The following KCNK10 variants were observed in gnomAD, a reference collection of about 807,000 sequenced individuals.
The protein encoded by KCNK10 is potassium two pore domain channel subfamily K member 10.
In KCNK10, 25 loss-of-function variants were observed where a neutral mutation model predicts 47.7. The ratio of observed to expected loss-of-function variants is 0.52; its 90% confidence interval spans 0.38 to 0.73. The LOEUF (loss-of-function observed/expected upper bound fraction) is 0.73, where lower values mean the gene tolerates loss of function less well. Ranked by LOEUF, KCNK10 falls within the 30% of genes least tolerant of loss-of-function variation. The probability of loss-of-function intolerance (pLI) is 0.00; values close to 1 mark genes in which losing one functional copy is unlikely to be tolerated. For synonymous variants in KCNK10, 303 were observed against 285.6 expected (o/e 1.06, Z -0.61); for missense variants, 563 against 714.5 (o/e 0.79, Z 2.42).
At chr14:88,213,971 C>T (rs1885539483) in intron 4 of KCNK10, among the ~76,000 whole-genome samples, 1 of 120,826 alleles carries the variant, frequency 8.3e-6, no homozygotes, top group African/African-American at 3.1e-5. Flanking sequence ...CAGAGTTTCA[C>T]TCGTGTTGCC....
At chr14:88,272,156 A>T (rs1463973424) in intron 1 of KCNK10, among the ~76,000 whole-genome samples, 1 of 152,216 alleles carries the variant, frequency 6.6e-6, no homozygotes, top group Non-Finnish European at 1.5e-5. Flanking sequence ...GGAAAGGGAC[A>T]GAAGCAGTAG....
chr14:88,238,241 G>A (rs2139886559), intron 3 of KCNK10, among the ~76,000 whole-genome samples: 1 of 152,310 alleles, frequency 6.6e-6, no homozygotes, highest in South Asian at 2.1e-4. Flanking sequence ...ATTAGATTTT[G>A]GCTTAAGGGA....
intron 1 of KCNK10, among the ~76,000 whole-genome samples, chr14:88,294,591 A>G (rs1182613334): frequency 2.6e-5 from 4 of 152,198 alleles, no homozygotes; most frequent in Non-Finnish European, 1.5e-5. Flanking sequence ...ACATGGGTTG[A>G]TCCAATGACT....
chr14:88,325,658 T>C (rs1220164048), upstream of KCNK10, among the ~76,000 whole-genome samples: 1 of 147,062 alleles, frequency 6.8e-6, no homozygotes, highest in African/African-American at 2.5e-5. Context: ...GTAATGAAGG[T>C]CTAAATACGA....
chr14:88,246,241 G>C (rs1886636393), intron 2 of KCNK10, among the ~76,000 whole-genome samples: 1 of 145,580 alleles, frequency 6.9e-6, no homozygotes, highest in Non-Finnish European at 1.5e-5. Context: ...CCAGCCTGGG[G>C]GACAGAGCGA....
intron 3 of KCNK10, among the ~76,000 whole-genome samples, chr14:88,233,128 G>T (rs1259913369): frequency 6.6e-6 from 1 of 152,140 alleles, no homozygotes; most frequent in Non-Finnish European, 1.5e-5. Context: ...ACGCACACTC[G>T]CTTAAACAAC....
At chr14:88,253,361 G>A (rs934143804) in intron 2 of KCNK10, among the ~76,000 whole-genome samples, 2 of 152,084 alleles carry the variant, frequency 1.3e-5, no homozygotes, top group South Asian at 4.1e-4. Context: ...ATAGCTAAAA[G>A]GAGGATATTG....
At chr14:88,294,853 C>T (rs756946928) in intron 1 of KCNK10, among the ~76,000 whole-genome samples, 103 of 152,140 alleles carry the variant, frequency 6.8e-4, no homozygotes, top group African/African-American at 2.3e-3. Flanking sequence ...AATAATGTTG[C>T]GTTCTACCCT....
chr14:88,209,380 G>A (rs775045965), intron 4 of KCNK10, among the ~76,000 whole-genome samples: 10 of 152,182 alleles, frequency 6.6e-5, no homozygotes, highest in Admixed American at 1.3e-4. Context: ...GATCACATGA[G>A]CACATCTGCG....
chr14:88,218,174 A>T lies in KCNK10; in HGVS notation c.681+9201T>A, dbSNP rs375252812. Among the ~76,000 whole-genome samples the T allele has an allele frequency of 3.4e-4, 52 of 152,208 alleles. 1 individual carries two copies. The East Asian group carries it at 5.4e-3, about 16-fold the overall frequency. ...GCGCCTGCCTCTTGAAATAGTAATT[A>T]TTTTAAGTTAACCCTTTTGCTGCTG... On this transcript the variant is annotated intron_variant, in intron 4 of 6. Transcript: ENST00000319231.
intron 1 of KCNK10, among the ~76,000 whole-genome samples, chr14:88,289,071 G>A (rs549809150): frequency 2.6e-5 from 4 of 152,168 alleles, no homozygotes; most frequent in Admixed American, 6.5e-5. Flanking sequence ...CCCAGCACCC[G>A]GGTTGGTCTC....
At chr14:88,203,757 G>A (rs1885175571) in intron 4 of KCNK10, among the ~76,000 whole-genome samples, 1 of 152,148 alleles carries the variant, frequency 6.6e-6, no homozygotes, top group African/African-American at 2.4e-5. Flanking sequence ...TGCAGAAGGT[G>A]GGTAGCAAAA....
chr14:88,227,475 A>G lies in KCNK10; in HGVS notation c.581T>C (p.Ile194Thr). 1.2e-6 allele frequency: 2 copies of G among 1,613,740 alleles called. No homozygotes were observed. The highest frequency in any genetic ancestry group is 8.5e-7 in the Non-Finnish European group (1 of 1,179,832). Reference sequence around the variant, plus strand: ...GAAACCAAAGAGTGGAATTCCAAAGATGGCATATAAAATACAAAAGATTTT... The same window carrying G: ...GAAACCAAAGAGTGGAATTCCAAAGGTGGCATATAAAATACAAAAGATTTT... ...GGKIFCILYAIFGIPLFGFLL... is the reference protein window; with the variant it reads ...GGKIFCILYATFGIPLFGFLL... Residue 194 changes from isoleucine to threonine, a missense_variant, in exon 4 of 7, where the codon ATC becomes ACC. By Grantham distance (89) the Ile-to-Thr change is moderately conservative. Coordinates refer to ENST00000319231, the MANE Select transcript of KCNK10 (RefSeq NM_138317.3).
upstream of KCNK10, among the ~76,000 whole-genome samples, chr14:88,324,592 C>G (rs911832075): frequency 2.0e-5 from 3 of 152,170 alleles, no homozygotes; most frequent in African/African-American, 7.2e-5. Context: ...GAGAACAAGA[C>G]AGAGATCTTG....
chr14:88,207,168 C>CTTTTTT (rs55711197), intron 4 of KCNK10, among the ~76,000 whole-genome samples: 7 of 107,750 alleles, frequency 6.5e-5, no homozygotes, highest in African/African-American at 1.1e-4. Flanking sequence ...AGGTCACTCT[C>CTTTTTT]TTTTTTTTTT....
chr14:88,298,259 T>G (rs1333516912), intron 1 of KCNK10, among the ~76,000 whole-genome samples: 1 of 152,216 alleles, frequency 6.6e-6, no homozygotes, highest in African/African-American at 2.4e-5. Flanking sequence ...CAGTGCAACC[T>G]CTGCACCTCT....
chr14:88,272,208 T>C (rs1373266716), intron 1 of KCNK10, among the ~76,000 whole-genome samples: 1 of 152,198 alleles, frequency 6.6e-6, no homozygotes, highest in Non-Finnish European at 1.5e-5. Flanking sequence ...GGCATGTTGC[T>C]CAATGCCTTG....
chr14:88,315,727 G>A (rs781029856), intron 1 of KCNK10, among the ~76,000 whole-genome samples: 13 of 151,994 alleles, frequency 8.6e-5, no homozygotes, highest in African/African-American at 2.9e-4. Context: ...TCCATCACCC[G>A]ACCAAATTTT....
At chr14:88,208,105 CTT>C (rs914055459) in intron 4 of KCNK10, among the ~76,000 whole-genome samples, 1 of 152,222 alleles carries the variant, frequency 6.6e-6, no homozygotes, top group Admixed American at 6.5e-5. Flanking sequence ...CTATGACAAA[CTT>C]TTAACATTTT....
Sources: gnomAD v4.1 joint callset for allele counts (sites outside exome capture counted in the v4.1 genomes callset) on GRCh38, gnomAD v4.1.1 for gene constraint, MANE v1.5 for transcripts, NCBI Gene and HGNC (gene_info 2026-07-23, HGNC 2026-07-21) for gene names.